The following KIAA1217 variants were observed in gnomAD, a reference collection of about 807,000 sequenced individuals.
KIAA1217 encodes KIAA1217.
KIAA1217 carries 88 observed loss-of-function variants against 163.9 expected under a neutral mutation model. That is an observed-to-expected ratio of 0.54 (90% CI 0.45 to 0.64). The LOEUF (loss-of-function observed/expected upper bound fraction) is 0.64, where lower values mean the gene tolerates loss of function less well. Among genes scored for constraint, KIAA1217 ranks in the 30% least tolerant of loss-of-function variants. KIAA1217 has a pLI of 0.00. For synonymous variants in KIAA1217, 903 were observed against 923.1 expected (o/e 0.98, Z 0.39); for missense variants, 2,372 against 2,475.0 (o/e 0.96, Z 0.88).
At chr10:24,471,074 ATT>A (rs1168282524) in intron 5 of KIAA1217, among the ~76,000 whole-genome samples, 1 of 152,148 alleles carries the variant, frequency 6.6e-6, no homozygotes, top group Non-Finnish European at 1.5e-5. Flanking sequence ...CATGCAGTGA[ATT>A]TTTGTGATAA....
intron 2 of KIAA1217, among the ~76,000 whole-genome samples, chr10:24,271,044 G>A: frequency 6.6e-6 from 1 of 152,306 alleles, no homozygotes; most frequent in Non-Finnish European, 1.5e-5. Context: ...AATGATTGAG[G>A]TTCAGTGTCA....
intron 2 of KIAA1217, among the ~76,000 whole-genome samples, chr10:24,131,140 G>A (rs2063637968): frequency 1.3e-5 from 2 of 152,052 alleles, no homozygotes; most frequent in South Asian, 4.1e-4. Context: ...ATTAAAAATA[G>A]CATTAACATA....
intron 5 of KIAA1217, among the ~76,000 whole-genome samples, chr10:24,469,360 A>G (rs1219416284): frequency 6.6e-6 from 1 of 152,054 alleles, no homozygotes; most frequent in Admixed American, 6.5e-5. Flanking sequence ...CCTGGCCTCA[A>G]GTGATCCGCC....
At chr10:24,006,056 T>A (rs1321712371) in intron 1 of KIAA1217, among the ~76,000 whole-genome samples, 5 of 152,184 alleles carry the variant, frequency 3.3e-5, no homozygotes. Context: ...ACGGTTTCAG[T>A]GGACCACTTT....
At chr10:24,307,494 G>A (rs1257924492) in intron 2 of KIAA1217, among the ~76,000 whole-genome samples, 5 of 151,942 alleles carry the variant, frequency 3.3e-5, no homozygotes, top group African/African-American at 1.2e-4. Context: ...CTTAATGATT[G>A]GCTGGGCATG....
intron 6 of KIAA1217, among the ~76,000 whole-genome samples, chr10:24,484,241 A>ATATATATTTTTTTTTTTTTT (rs1376083298): frequency 1.3e-5 from 1 of 75,158 alleles, no homozygotes; most frequent in Non-Finnish European, 2.5e-5. Context: ...ATATATATAT[A>ATATATATTTTTTTTTTTTTT]TTTTTTTTTT....
At chr10:24,155,276 CA>C (rs2064823208) in intron 2 of KIAA1217, among the ~76,000 whole-genome samples, 1 of 152,090 alleles carries the variant, frequency 6.6e-6, no homozygotes, top group African/African-American at 2.4e-5. Flanking sequence ...GAGATAGGAT[CA>C]GGGGTTATCT....
intron 2 of KIAA1217, chr10:24,157,918 T>TA: frequency 1.4e-6 from 1 of 693,022 alleles, no homozygotes; most frequent in South Asian, 1.7e-5. Context: ...AGCCAGGAGT[T>TA]AATGCCCAGT....
intron 2 of KIAA1217, among the ~76,000 whole-genome samples, chr10:24,229,317 GTAAA>G (rs981396665): frequency 2.6e-5 from 4 of 152,084 alleles, no homozygotes; most frequent in African/African-American, 9.7e-5. Context: ...GGCATGTTTT[GTAAA>G]TAAATAAATA....
At chr10:24,524,825 C>A in intron 13 of KIAA1217, 61 bp downstream of exon 13, 1 of 1,380,852 alleles carries the variant, frequency 7.2e-7, no homozygotes, top group South Asian at 1.4e-5. Context: ...GGACCTTTCC[C>A]TTAAAGCATT....
chr10:24,031,647 C>A (rs760453771), intron 2 of KIAA1217, among the ~76,000 whole-genome samples: 1 of 152,160 alleles, frequency 6.6e-6, no homozygotes, highest in East Asian at 1.9e-4. Context: ...ATTTTTAAAG[C>A]TGTGCAATTT....
At chr10:24,123,958 G>A (rs1271066171) in intron 2 of KIAA1217, among the ~76,000 whole-genome samples, 1 of 152,048 alleles carries the variant, frequency 6.6e-6, no homozygotes, top group African/African-American at 2.4e-5. Context: ...TTTGAAGGGG[G>A]TAATATATGA....
upstream of KIAA1217, among the ~76,000 whole-genome samples, chr10:24,206,418 T>A (rs1391316793): frequency 6.6e-6 from 1 of 152,216 alleles, no homozygotes; most frequent in East Asian, 1.9e-4. Context: ...TTCATGAAGA[T>A]CGGAGTTACC....
At chr10:23,727,155 T>C (rs116765719) in intron 1 of KIAA1217, among the ~76,000 whole-genome samples, 6,845 of 151,912 alleles carry the variant, frequency 0.045, 507 homozygotes, top group African/African-American at 0.15. Context: ...GCCTGGCTGC[T>C]TTTTTTGTAT....
At chr10:23,709,951 A>G (rs76849701) in intron 1 of KIAA1217, among the ~76,000 whole-genome samples, 3,213 of 152,222 alleles carry the variant, frequency 0.021, 91 homozygotes, top group African/African-American at 0.071. Context: ...CACTTTCCCT[A>G]TTATGTGAAG....
At chr10:24,510,684 G>A (rs11595468) in intron 9 of KIAA1217, among the ~76,000 whole-genome samples, 45,423 of 151,012 alleles carry the variant, frequency 0.3, 7,086 homozygotes, top group Middle Eastern at 0.41. Flanking sequence ...TTGGACACAG[G>A]GACTGAAGTT....
intron 1 of KIAA1217, among the ~76,000 whole-genome samples, chr10:23,821,366 C>G (rs1433391566): frequency 6.6e-6 from 1 of 152,076 alleles, no homozygotes; most frequent in Admixed American, 6.5e-5. Context: ...AATAAAGCCC[C>G]ATGTTCAGGT....
chr10:24,212,777 G>T (rs916628982), intron 1 of KIAA1217, among the ~76,000 whole-genome samples: 1 of 152,154 alleles, frequency 6.6e-6, no homozygotes, highest in African/African-American at 2.4e-5. Context: ...ATGACAATGT[G>T]ATATTCCACA....
chr10:23,702,666 TAC>T (rs377621544), intron 1 of KIAA1217, among the ~76,000 whole-genome samples: 14,855 of 134,028 alleles, frequency 0.11, 878 homozygotes, highest in African/African-American at 0.19. Context: ...AACAGGAGAA[TAC>T]ACACACACAC....
Sources: allele counts gnomAD v4.1 joint callset (sites outside exome capture counted in the v4.1 genomes callset), GRCh38; gene constraint gnomAD v4.1.1; transcripts MANE v1.5; gene names NCBI Gene and HGNC (gene_info 2026-07-23, HGNC 2026-07-21).